Variants in ASB7 observed in about 807,000 individuals in gnomAD.
ASB7 encodes ankyrin repeat and SOCS box protein 7.
A neutral mutation model predicts 32.5 loss-of-function variants in ASB7; 4 were observed. That is an observed-to-expected ratio of 0.12 (90% CI 0.06 to 0.28). The LOEUF (loss-of-function observed/expected upper bound fraction) is 0.28, where lower values mean the gene tolerates loss of function less well. ASB7 is among the 10% of genes least tolerant of loss of function. The probability of loss-of-function intolerance (pLI) is 1.00; values close to 1 mark genes in which losing one functional copy is unlikely to be tolerated. For missense variants in ASB7, 181 were observed against 407.1 expected (o/e 0.44, Z 4.78); for synonymous variants, 172 against 155.6 (o/e 1.11, Z -0.78).
intron 4 of ASB7, among the ~76,000 whole-genome samples, chr15:100,623,860 A>T (rs2039813761): frequency 6.6e-6 from 1 of 152,246 alleles, no homozygotes; most frequent in African/African-American, 2.4e-5. Flanking sequence ...AAAAGAAAAG[A>T]AATCAGTATA....
At chr15:100,606,664 A>G (rs1453245327) in intron 2 of ASB7, among the ~76,000 whole-genome samples, 6 of 152,178 alleles carry the variant, frequency 3.9e-5, no homozygotes, top group Admixed American at 1.3e-4. Flanking sequence ...AGTTTTTAAT[A>G]TGGTCAATAG....
At chr15:100,614,828 C>G (rs2039728299) in intron 4 of ASB7, among the ~76,000 whole-genome samples, 1 of 151,686 alleles carries the variant, frequency 6.6e-6, no homozygotes, top group South Asian at 2.1e-4. Flanking sequence ...CAAAGCTGTC[C>G]TGGGCTGCAT....
At chr15:100,614,742 C>CAAAA (rs58705118) in intron 4 of ASB7, among the ~76,000 whole-genome samples, 1 of 57,170 alleles carries the variant, frequency 1.7e-5, no homozygotes, top group African/African-American at 5.7e-5. Flanking sequence ...AGCTGATGAG[C>CAAAA]AAAAAAAAAA....
rs79970236 is a variant in ASB7, at chr15:100,627,385, A to C, written c.212-2052A>C. 3.4e-4 allele frequency among the ~76,000 whole-genome samples: 52 copies of C among 152,322 alleles called. No homozygotes were observed. The East Asian group carries it at 5.6e-3, about 16-fold the overall frequency. ...TGTTTTCACGTCTTGTCCATTTCTT[A>C]CTGAATTTCTGTCTAGGCGTTTTGT... On this transcript the variant is annotated intron_variant, in intron 4 of 5. Coordinates refer to ENST00000332783, the MANE Select transcript of ASB7 (RefSeq NM_198243.3).
intron 5 of ASB7, among the ~76,000 whole-genome samples, chr15:100,641,497 G>A (rs925802430): frequency 3.9e-4 from 60 of 152,136 alleles, no homozygotes; most frequent in Admixed American, 2.6e-4. Flanking sequence ...CTGTACACTC[G>A]TGGAGAAACA....
chr15:100,630,198 A>C (rs1597007420), intron 5 of ASB7, 156 bp downstream of exon 5: 2 of 1,351,336 alleles, frequency 1.5e-6, no homozygotes, highest in Non-Finnish European at 1.9e-6. Context: ...TAAAAAAAAA[A>C]CTTTGACTGT....
intron 5 of ASB7, among the ~76,000 whole-genome samples, chr15:100,630,543 G>C (rs944315481): frequency 6.6e-6 from 1 of 152,204 alleles, no homozygotes; most frequent in African/African-American, 2.4e-5. Context: ...CAGTGGTGCT[G>C]TGTATTTAGG....
At chr15:100,638,781 G>A (rs751620981) in intron 5 of ASB7, among the ~76,000 whole-genome samples, 15 of 152,020 alleles carry the variant, frequency 9.9e-5, no homozygotes, top group Non-Finnish European at 1.5e-4. Context: ...CCATCAACCC[G>A]TCACCTAGGT....
intron 5 of ASB7, among the ~76,000 whole-genome samples, chr15:100,637,309 G>T (rs28818183): frequency 0.01 from 1,566 of 152,266 alleles, 21 homozygotes; most frequent in African/African-American, 0.035. Flanking sequence ...TAAAATTCAC[G>T]TGTCACTTTA....
Position 100,618,617 on chromosome 15 carries a change from T to TTTGTG in ASB7, c.211+6190_211+6191insTTGTG, listed in dbSNP as rs1272335825. On this transcript the variant is annotated intron_variant, in intron 4 of 5. Coordinates refer to ENST00000332783, the MANE Select transcript of ASB7 (RefSeq NM_198243.3). The stretch of plus-strand genomic sequence containing the variant: ...TCCCTCACCTTCTCACCCTGCTGTG[T>TTTGTG]GTGTGGTGTGTGTGTGTGTGTGTGT... Among the ~76,000 whole-genome samples the TTTGTG allele has an allele frequency of 6.5e-3, 665 of 102,960 alleles. 2 individuals are homozygous for TTTGTG. The highest frequency in any genetic ancestry group is 0.017 in the African/African-American group (557 of 33,532). The allele number at this position is 102,960 out of a possible 152,430, so 67.5% of individuals were successfully genotyped here.
intron 2 of ASB7, 128 bp from the exon 3 acceptor site, chr15:100,609,579 C>A (rs1596997269): frequency 6.6e-6 from 1 of 152,172 alleles, no homozygotes; most frequent in Non-Finnish European, 1.5e-5. Context: ...GATCTGAGTT[C>A]TTTCTCTGCT....
intron 4 of ASB7, among the ~76,000 whole-genome samples, chr15:100,628,484 C>G (rs2039858795): frequency 6.6e-6 from 1 of 152,144 alleles, no homozygotes; most frequent in African/African-American, 2.4e-5. Flanking sequence ...AGAGCATTTT[C>G]ATCCTGGGTA....
In ASB7 at chr15:100,648,652, AAC is replaced by A; in HGVS notation, c.*197_*198del. 2 of 470,398 alleles carry A rather than the reference AAC, an allele frequency of 4.3e-6. No homozygotes were observed. Among genetic ancestry groups the A allele is most frequent in the Non-Finnish European group, 7.5e-6 (2 of 268,358 alleles). 29.1% of individuals were successfully genotyped at this position (470,398 alleles called of 1,614,324 possible). On this transcript the variant is annotated 3_prime_UTR_variant, in exon 6 of 6. Transcript: ENST00000332783. ...GAGGGATTTTTTATATATATATAAA[AAC>A]ACACACCACATGCTTGAAGGTCTTA... is the stretch of plus-strand genomic sequence containing the variant.
chr15:100,614,650 A>G (rs1019147972), intron 4 of ASB7, among the ~76,000 whole-genome samples: 2 of 150,526 alleles, frequency 1.3e-5, no homozygotes, highest in Non-Finnish European at 2.9e-5. Flanking sequence ...TAGCAGGGGC[A>G]TCCAGTCTTT....
At chr15:100,622,041 G>C (rs2039796869) in intron 4 of ASB7, among the ~76,000 whole-genome samples, 1 of 151,972 alleles carries the variant, frequency 6.6e-6, no homozygotes, top group Admixed American at 6.6e-5. Flanking sequence ...CTTATATTTA[G>C]AAAAACCTAA....
At chr15:100,633,675 G>A (rs1421201325) in intron 5 of ASB7, among the ~76,000 whole-genome samples, 3 of 148,140 alleles carry the variant, frequency 2.0e-5, no homozygotes, top group African/African-American at 5.0e-5. Flanking sequence ...GAAGGAGGAA[G>A]GAAGGAAGGA....
chr15:100,618,029 A>T (rs1323569337), intron 4 of ASB7, among the ~76,000 whole-genome samples: 1 of 152,168 alleles, frequency 6.6e-6, no homozygotes, highest in Non-Finnish European at 1.5e-5. Flanking sequence ...GTCATAGCTC[A>T]TCACAGCCTC....
At chr15:100,611,497 T>TTTTTTTTTTTTTTTTTTA (rs2039695381) in intron 3 of ASB7, among the ~76,000 whole-genome samples, 1 of 141,536 alleles carries the variant, frequency 7.1e-6, no homozygotes, top group African/African-American at 2.6e-5. Flanking sequence ...TTTTTTTTTT[T>TTTTTTTTTTTTTTTTTTA]GAGACAGAAT....
chr15:100,638,552 C>T (rs914955949), intron 5 of ASB7: 5 of 152,148 alleles, frequency 3.3e-5, no homozygotes, highest in Admixed American at 3.3e-4. Flanking sequence ...GATCCTAGGT[C>T]CAGGTTTCAG....
Sources: gnomAD v4.1 joint callset for allele counts (sites outside exome capture counted in the v4.1 genomes callset) on GRCh38, gnomAD v4.1.1 for gene constraint, MANE v1.5 for transcripts, NCBI Gene and HGNC (gene_info 2026-07-23, HGNC 2026-07-21) for gene names.